Variants in SULF1 observed in about 807,000 individuals in gnomAD.
The protein encoded by SULF1 is sulfatase 1.
A neutral mutation model predicts 110.5 loss-of-function variants in SULF1; 46 were observed. The observed-to-expected ratio is 0.42, with a 90% CI of 0.33 to 0.53. The LOEUF (loss-of-function observed/expected upper bound fraction) is 0.53. Ranked by LOEUF, SULF1 falls within the 20% of genes least tolerant of loss-of-function variation. The pLI is 0.12. For missense variants in SULF1, 941 were observed against 1,094.2 expected (o/e 0.86, Z 1.98); for synonymous variants, 371 against 387.1 (o/e 0.96, Z 0.49).
At chr8:69,583,712 T>G (rs941085668) in intron 6 of SULF1, among the ~76,000 whole-genome samples, 5 of 152,120 alleles carry the variant, frequency 3.3e-5, no homozygotes, top group African/African-American at 9.7e-5. Flanking sequence ...TGTGCAAGGA[T>G]GGAGAGTGCC....
intron 3 of SULF1, among the ~76,000 whole-genome samples, chr8:69,520,419 T>A (rs763752282): frequency 1.3e-5 from 2 of 152,154 alleles, no homozygotes; most frequent in Non-Finnish European, 2.9e-5. Flanking sequence ...CTTTGTTCTT[T>A]GATTACACAA....
At chr8:69,542,924 A>T (rs1167840417) in intron 3 of SULF1, among the ~76,000 whole-genome samples, 1 of 152,182 alleles carries the variant, frequency 6.6e-6, no homozygotes, top group Non-Finnish European at 1.5e-5. Context: ...ATTACACAGA[A>T]TAATGGGGGT....
chr8:69,610,294 T>C (rs759325082), intron 13 of SULF1, among the ~76,000 whole-genome samples: 6 of 152,236 alleles, frequency 3.9e-5, no homozygotes, highest in African/African-American at 9.6e-5. Flanking sequence ...TTTGTTCCTA[T>C]ACAAAACTTA....
chr8:69,648,909 C>T (rs552976986), intron 22 of SULF1, among the ~76,000 whole-genome samples: 4 of 152,292 alleles, frequency 2.6e-5, no homozygotes, highest in South Asian at 4.1e-4. Context: ...ACTTGGCTTG[C>T]GACCTGGGTA....
intron 3 of SULF1, among the ~76,000 whole-genome samples, chr8:69,522,247 C>G (rs1309029661): frequency 1.3e-5 from 2 of 152,056 alleles, no homozygotes; most frequent in African/African-American, 4.8e-5. Context: ...GATGGGGTTT[C>G]ACCATGTTGA....
At chr8:69,481,661 T>C (rs1809527224) in intron 1 of SULF1, among the ~76,000 whole-genome samples, 1 of 152,122 alleles carries the variant, frequency 6.6e-6, no homozygotes, top group East Asian at 1.9e-4. Context: ...CTCCCCGCCA[T>C]TGTGTCCATG....
At chr8:69,589,933 G>T (rs1806770184) in intron 8 of SULF1, among the ~76,000 whole-genome samples, 1 of 152,190 alleles carries the variant, frequency 6.6e-6, no homozygotes, top group Non-Finnish European at 1.5e-5. Flanking sequence ...TGTGTCTGCT[G>T]AAAGCCTGAC....
intron 3 of SULF1, among the ~76,000 whole-genome samples, chr8:69,511,885 T>C (rs1811590306): frequency 6.6e-6 from 1 of 152,210 alleles, no homozygotes; most frequent in African/African-American, 2.4e-5. Context: ...AGCCACACTA[T>C]TTAAATGATC....
At chr8:69,639,787 C>T (rs1811322583) in intron 21 of SULF1, among the ~76,000 whole-genome samples, 1 of 152,144 alleles carries the variant, frequency 6.6e-6, no homozygotes, top group East Asian at 1.9e-4. Context: ...GGTCACATGC[C>T]TTGAAAGGGG....
chr8:69,522,383 G>A (rs1044318251), intron 3 of SULF1, among the ~76,000 whole-genome samples: 8 of 152,278 alleles, frequency 5.3e-5, no homozygotes, highest in African/African-American at 1.9e-4. Context: ...CAACTGAAAG[G>A]ACAGAGCTGC....
chr8:69,599,849 A>C (rs914723056), intron 8 of SULF1, among the ~76,000 whole-genome samples: 1 of 152,180 alleles, frequency 6.6e-6, no homozygotes, highest in Non-Finnish European at 1.5e-5. Flanking sequence ...TTGAGTACCC[A>C]GTGGAAGGCA....
chr8:69,597,474 G>A (rs1341628799), intron 8 of SULF1: 1 of 152,176 alleles, frequency 6.6e-6, no homozygotes, highest in Non-Finnish European at 1.5e-5. Flanking sequence ...AAAAATAAGG[G>A]GGGGCAGGAA....
Position 69,629,563 on chromosome 8 carries a change from GGAA to G in SULF1, c.2173_2175del (p.Lys725del), listed in dbSNP as rs1810358096. The G allele has an allele frequency of 6.2e-7, 1 of 1,614,078 alleles. No individual in the cohort carries two copies. Among genetic ancestry groups the G allele is most frequent in the Non-Finnish European group, 8.5e-7 (1 of 1,179,944 alleles). The stretch of plus-strand genomic sequence containing the variant: ...CTTTTCAAGGAGAACAACCGTAGGA[GGAA>G]GAAGGAGAGGAAGGAGAAGAGACGG... On this transcript the variant is annotated inframe_deletion, in exon 19 of 23. Transcript: ENST00000402687.
At chr8:69,567,640 A>T (rs888740206) in intron 5 of SULF1, among the ~76,000 whole-genome samples, 8 of 152,192 alleles carry the variant, frequency 5.3e-5, no homozygotes, top group African/African-American at 1.9e-4. Context: ...CTCAAGGCTC[A>T]TCCATGTTGT....
At chr8:69,614,460 A>G (rs754128667) in intron 13 of SULF1, among the ~76,000 whole-genome samples, 18 of 152,250 alleles carry the variant, frequency 1.2e-4, no homozygotes, top group Non-Finnish European at 2.4e-4. Flanking sequence ...AGTACCTGCT[A>G]TCAAGCAAGA....
intron 3 of SULF1, among the ~76,000 whole-genome samples, chr8:69,506,992 C>T (rs547964779): frequency 1.4e-4 from 21 of 152,274 alleles, no homozygotes; most frequent in African/African-American, 4.3e-4. Context: ...CCTAAGGGGC[C>T]GTGCTCACAT....
chr8:69,527,512 T>A (rs2150631794), intron 3 of SULF1, among the ~76,000 whole-genome samples: 1 of 152,012 alleles, frequency 6.6e-6, no homozygotes, highest in African/African-American at 2.4e-5. Context: ...AGACAGAGGA[T>A]GGTGGTGTCA....
At chr8:69,478,654 A>G (rs1021487717) in intron 1 of SULF1, among the ~76,000 whole-genome samples, 2 of 152,190 alleles carry the variant, frequency 1.3e-5, no homozygotes, top group African/African-American at 2.4e-5. Context: ...CCAACCATCA[A>G]TAATCTCTCT....
chr8:69,558,031 G>C, intron 3 of SULF1, among the ~76,000 whole-genome samples: 1 of 152,180 alleles, frequency 6.6e-6, no homozygotes, highest in East Asian at 1.9e-4. Flanking sequence ...AACAGTAGGT[G>C]AACTTGCCAG....
Sources: gnomAD v4.1 joint callset for allele counts (sites outside exome capture counted in the v4.1 genomes callset) on GRCh38, gnomAD v4.1.1 for gene constraint, MANE v1.5 for transcripts, NCBI Gene and HGNC (gene_info 2026-07-23, HGNC 2026-07-21) for gene names.